FOXK1: variants seen among roughly 807,000 people sequenced by gnomAD.
The protein encoded by FOXK1 is forkhead box protein K1.
FOXK1 carries 19 observed loss-of-function variants against 51.9 expected under a neutral mutation model. That is an observed-to-expected ratio of 0.37 (90% CI 0.26 to 0.54). The LOEUF (loss-of-function observed/expected upper bound fraction) is 0.54, where lower values mean the gene tolerates loss of function less well. Ranked by LOEUF, FOXK1 falls within the 20% of genes least tolerant of loss-of-function variation. FOXK1 has a pLI of 0.87. For missense variants in FOXK1, 870 were observed against 1,032.7 expected, an observed-to-expected ratio of 0.84 and a Z score of 2.16; for synonymous variants, 537 against 482.6, an observed-to-expected ratio of 1.11 and a Z score of -1.48.
In FOXK1 at chr7:4,730,235, A is replaced by G. The variant is rs934258066; in HGVS notation, c.561-10603A>G. On this transcript the variant is annotated intron_variant, in intron 1 of 8. Transcript: ENST00000328914. This position sits in a 1 kb window ranked among gnomAD's most constrained non-coding sequence, Gnocchi z 4.7. ...AACACTAAAACTGCTACCGGGTTTT[A>G]ATTCACACACACCACGCACACCCCC... 6.6e-6 allele frequency among the ~76,000 whole-genome samples: 1 copy of G among 152,238 alleles called. No homozygotes were observed. The highest frequency in any genetic ancestry group is 1.5e-5 in the Non-Finnish European group (1 of 68,044).
rs1326144445 is a variant in FOXK1 at position 4,741,452 on chromosome 7, C to T, written c.746+429C>T. ...CAAGGGATTCTCTTGCCTCAGCCTC[C>T]CGAGTAGCTGGGATGACAGGCGCCT... On this transcript the variant is annotated intron_variant, in intron 2 of 8. Coordinates refer to ENST00000328914, the MANE Select transcript of FOXK1 (RefSeq NM_001037165.2). 2.0e-5 allele frequency among the ~76,000 whole-genome samples: 3 copies of T among 152,122 alleles called. No individual in the cohort carries two copies. The South Asian group carries it at 6.2e-4, about 32-fold the overall frequency.
chr7:4,710,267 C>T (rs1780158068), intron 1 of FOXK1, among the ~76,000 whole-genome samples: 1 of 152,184 alleles, frequency 6.6e-6, no homozygotes. Context: ...ACAGGATAGG[C>T]CAGTGTACTG....
At chr7:4,750,032 G>A (rs1217037797) in intron 2 of FOXK1, among the ~76,000 whole-genome samples, 1 of 152,196 alleles carries the variant, frequency 6.6e-6, no homozygotes, top group Non-Finnish European at 1.5e-5. Context: ...GGTTGTCCCT[G>A]TGAGCACAGC....
intron 2 of FOXK1, among the ~76,000 whole-genome samples, chr7:4,752,295 C>G: frequency 6.6e-6 from 1 of 152,170 alleles, no homozygotes; most frequent in East Asian, 1.9e-4. Flanking sequence ...CAGGTGCACA[C>G]CACCACACCT....
chr7:4,698,248 T>C (rs1287073497), intron 1 of FOXK1, among the ~76,000 whole-genome samples: 1 of 152,164 alleles, frequency 6.6e-6, no homozygotes, highest in Non-Finnish European at 1.5e-5. Flanking sequence ...TGCTCTGCCA[T>C]GTTTAGCGTT....
intron 1 of FOXK1, among the ~76,000 whole-genome samples, chr7:4,718,013 T>C (rs1780257894): frequency 1.3e-5 from 2 of 152,126 alleles, no homozygotes; most frequent in African/African-American, 4.8e-5. Context: ...GCCATTTCAG[T>C]GTTGAAGGAA....
chr7:4,742,867 T>C (rs1321588906), intron 2 of FOXK1, among the ~76,000 whole-genome samples: 1 of 152,196 alleles, frequency 6.6e-6, no homozygotes, highest in Non-Finnish European at 1.5e-5. Flanking sequence ...TCATCTCCAT[T>C]TGAGTTGCTT....
chr7:4,685,159 T>C (rs1175357048), intron 1 of FOXK1, among the ~76,000 whole-genome samples: 1 of 150,874 alleles, frequency 6.6e-6, no homozygotes, highest in Non-Finnish European at 1.5e-5. Flanking sequence ...ACAAAGCAAA[T>C]GTGCAGAAGG....
rs1222917001 is a variant in FOXK1 at position 4,734,184 on chromosome 7, C to T, written c.561-6654C>T. 6.6e-6 allele frequency among the ~76,000 whole-genome samples: 1 copy of T among 152,236 alleles called. No individual in the cohort carries two copies. Among genetic ancestry groups the T allele is most frequent in the Admixed American group, 6.5e-5 (1 of 15,290 alleles). ...GACAGCAGATGCATTCCCAGAGCTC[C>T]TGAGAAGGAGCGGCTTGTGTGGGGT... On this transcript the variant is annotated intron_variant, in intron 1 of 8. Transcript: ENST00000328914. This position sits in a 1 kb window ranked among gnomAD's most constrained non-coding sequence, Gnocchi z 5.2.
rs1473368495 is a variant in FOXK1, at chr7:4,715,214, G to A, written c.561-25624G>A. On this transcript the variant is annotated intron_variant, in intron 1 of 8. Transcript: ENST00000328914. The surrounding 1 kb of genome is among the most constrained non-coding windows in gnomAD (Gnocchi z 4.5). ...GAACTGTGGCGATACGGGGCACGGTGGAACTGTGATGATATCGGGCATGGC... is the reference window on the plus strand; with the variant it reads ...GAACTGTGGCGATACGGGGCACGGTAGAACTGTGATGATATCGGGCATGGC... Among the ~76,000 whole-genome samples, 1 of 152,224 alleles carries A rather than the reference G, an allele frequency of 6.6e-6. No homozygotes were observed. Among genetic ancestry groups the A allele is most frequent in the Non-Finnish European group, 1.5e-5 (1 of 68,048 alleles).
intron 1 of FOXK1, among the ~76,000 whole-genome samples, chr7:4,705,122 C>T (rs953257197): frequency 1.3e-5 from 2 of 152,112 alleles, no homozygotes; most frequent in Non-Finnish European, 1.5e-5. Flanking sequence ...TGAGCCACTG[C>T]ACCTGGCCTA....
In FOXK1 at chr7:4,734,825, C is replaced by A. The variant is rs183232716; in HGVS notation, c.561-6013C>A. Among the ~76,000 whole-genome samples, 3 of 152,286 alleles carry A rather than the reference C, an allele frequency of 2.0e-5. No individual in the cohort carries two copies. Among genetic ancestry groups the A allele is most frequent in the Non-Finnish European group, 4.4e-5 (3 of 68,028 alleles). On this transcript the variant is annotated intron_variant, in intron 1 of 8. Transcript: ENST00000328914. The surrounding 1 kb of genome is among the most constrained non-coding windows in gnomAD (Gnocchi z 5.2). Reference sequence around the variant, plus strand: ...TGCCCTCGTCCAGGCCTCGGGTTCACCCCATCCAGAAAGTAAACCCGTCCT... The same window carrying A: ...TGCCCTCGTCCAGGCCTCGGGTTCAACCCATCCAGAAAGTAAACCCGTCCT...
intron 1 of FOXK1, among the ~76,000 whole-genome samples, chr7:4,701,798 C>T (rs1295268760): frequency 1.3e-5 from 2 of 152,214 alleles, no homozygotes; most frequent in Non-Finnish European, 2.9e-5. Context: ...GAGGCTGAGG[C>T]AGGAGAATGG....
rs1275644197 is a variant in FOXK1 at position 4,753,495 on chromosome 7, A to G, written c.747-964A>G. Among the ~76,000 whole-genome samples, 3 of 151,912 alleles carry G rather than the reference A, an allele frequency of 2.0e-5. No homozygotes were observed. The highest frequency in any genetic ancestry group is 2.9e-5 in the Non-Finnish European group (2 of 67,962). On this transcript the variant is annotated intron_variant, in intron 2 of 8. Coordinates refer to ENST00000328914, the MANE Select transcript of FOXK1 (RefSeq NM_001037165.2). The surrounding 1 kb of genome is among the most constrained non-coding windows in gnomAD (Gnocchi z 4.9). ...GCATCCTACCCGCCACGGGGGCTCTAAGTCAGCTGAGAGGGGGGATGTCAG... is the reference window on the plus strand; with the variant it reads ...GCATCCTACCCGCCACGGGGGCTCTGAGTCAGCTGAGAGGGGGGATGTCAG...
chr7:4,724,190 G>GTT (rs1562379476), intron 1 of FOXK1, among the ~76,000 whole-genome samples: 6 of 151,698 alleles, frequency 4.0e-5, no homozygotes, highest in East Asian at 1.9e-4. Context: ...TTTTGGGGGT[G>GTT]GTTGTTGTTG....
At position 4,707,927 on chromosome 7, in the gene FOXK1, CCCT is replaced by C. The variant is rs1780125463; in HGVS notation, c.560+25064_560+25066del. On this transcript the variant is annotated intron_variant, in intron 1 of 8. Transcript: ENST00000328914. This position sits in a 1 kb window ranked among gnomAD's most constrained non-coding sequence, Gnocchi z 4.1. Reference sequence around the variant, plus strand: ...ACGAACTCCTGCCCCAAGTGATCCACCCTCCTCAGCCTCCCAAAGTGCTGGGAT... The same window carrying C: ...ACGAACTCCTGCCCCAAGTGATCCACCCTCAGCCTCCCAAAGTGCTGGGAT... 6.6e-6 allele frequency among the ~76,000 whole-genome samples: 1 copy of C among 152,082 alleles called. No individual in the cohort carries two copies. Among genetic ancestry groups the C allele is most frequent in the Admixed American group, 6.6e-5 (1 of 15,252 alleles).
At chr7:4,759,996 C>G (rs1308813020) in intron 7 of FOXK1, 4 of 206,050 alleles carry the variant, frequency 1.9e-5, no homozygotes, top group Non-Finnish European at 3.8e-5. Flanking sequence ...CGCCACTGCA[C>G]TCCAGCCTGG....
chr7:4,733,166 T>C lies in FOXK1; in HGVS notation c.561-7672T>C, dbSNP rs1271123956. ...TAACGAGGGCCAAGTTTGTTTCTTT[T>C]ATACGTGACGGTCTTTTTTTTTTTA... On this transcript the variant is annotated intron_variant, in intron 1 of 8. Coordinates refer to ENST00000328914, the MANE Select transcript of FOXK1 (RefSeq NM_001037165.2). The surrounding 1 kb of genome is among the most constrained non-coding windows in gnomAD (Gnocchi z 5.0). Among the ~76,000 whole-genome samples, 1 of 152,164 alleles carries C rather than the reference T, an allele frequency of 6.6e-6. No individual in the cohort carries two copies. The highest frequency in any genetic ancestry group is 1.5e-5 in the Non-Finnish European group (1 of 68,030).
chr7:4,701,719 G>A (rs910816423), intron 1 of FOXK1, among the ~76,000 whole-genome samples: 6 of 152,132 alleles, frequency 3.9e-5, no homozygotes, highest in South Asian at 2.1e-4. Context: ...CGGTGAAACC[G>A]TGTCTCTACT....
Sources: gnomAD v4.1 joint callset for allele counts (sites outside exome capture counted in the v4.1 genomes callset) on GRCh38, gnomAD v4.1.1 for gene constraint, Gnocchi (gnomAD v3.1) non-coding constraint, MANE v1.5 for transcripts, NCBI Gene and HGNC (gene_info 2026-07-23, HGNC 2026-07-21) for gene names.